The following ATP13A1 variants were observed in gnomAD, a reference collection of about 807,000 sequenced individuals.
ATP13A1 encodes the protein ATPase 13A1, also known as endoplasmic reticulum transmembrane helix translocase.
A neutral mutation model predicts 134.8 loss-of-function variants in ATP13A1; 55 were observed. That is an observed-to-expected ratio of 0.41 (90% CI 0.33 to 0.51). The LOEUF is 0.51. Ranked by LOEUF, ATP13A1 falls within the 20% of genes least tolerant of loss-of-function variation. The probability of loss-of-function intolerance (pLI) is 0.29; values close to 1 mark genes in which losing one functional copy is unlikely to be tolerated. For missense variants in ATP13A1, 1,389 were observed against 1,652.8 expected, an observed-to-expected ratio of 0.84 and a Z score of 2.77; for synonymous variants, 775 against 725.1, an observed-to-expected ratio of 1.07 and a Z score of -1.10.
In ATP13A1 at chr19:19,659,996, G is replaced by C; in HGVS notation, c.397-9C>G. 1.3e-6 allele frequency: 2 copies of C among 1,556,050 alleles called. No homozygotes were observed. The highest frequency in any genetic ancestry group is 1.2e-5 in the South Asian group (1 of 83,758). ...TTGCTGGGGTCGTACTCCTGACAGAGACAAAGAAAGCATTGTGGCTTAGCT... is the reference window on the plus strand; with the variant it reads ...TTGCTGGGGTCGTACTCCTGACAGACACAAAGAAAGCATTGTGGCTTAGCT... On this transcript the variant is annotated splice_polypyrimidine_tract_variant and intron_variant, in intron 1 of 25. Transcript: ENST00000357324.
chr19:19,657,197 A>G (rs1389616238), intron 4 of ATP13A1, 48 bp from the exon 5 acceptor site: 2 of 1,489,964 alleles, frequency 1.3e-6, no homozygotes, highest in African/African-American at 2.8e-5. Context: ...CCCTGTTCCC[A>G]TGAGCCCCTT....
chr19:19,645,903 G>GCATGGC lies in ATP13A1; in HGVS notation c.3325_3330dup (p.Ala1109_Met1110dup). ...TAATTGATGGCGAAGGTGGCCATCT[G>GCATGGC]CATGGCCATGGCCATGATGTAGACG... On this transcript the variant is annotated inframe_insertion, in exon 24 of 26. Coordinates refer to ENST00000357324, the MANE Select transcript of ATP13A1 (RefSeq NM_020410.3). The surrounding 1 kb of genome is among the most constrained non-coding windows in gnomAD (Gnocchi z 4.1). 6.2e-7 allele frequency: 1 copy of GCATGGC among 1,613,888 alleles called. No individual in the cohort carries two copies. Among genetic ancestry groups the GCATGGC allele is most frequent in the Non-Finnish European group, 8.5e-7 (1 of 1,179,868 alleles).
At position 19,655,672 on chromosome 19, in the gene ATP13A1, C is replaced by G; in HGVS notation, c.1270-18G>C. 1 of 1,609,564 alleles carries G rather than the reference C, an allele frequency of 6.2e-7. No homozygotes were observed. Among genetic ancestry groups the G allele is most frequent in the Non-Finnish European group, 8.5e-7 (1 of 1,177,978 alleles). ...AGCTTGCCCTGGAGGAATGGAGGAA[C>G]AGCCTTTCTGCTGTCTGGACTCCCT... On this transcript the variant is annotated intron_variant, in intron 9 of 25. Transcript: ENST00000357324. This position sits in a 1 kb window ranked among gnomAD's most constrained non-coding sequence, Gnocchi z 5.7.
chr19:19,649,506 C>T (rs1445530016), intron 19 of ATP13A1, 61 bp downstream of exon 19: 1 of 1,538,758 alleles, frequency 6.5e-7, no homozygotes, highest in African/African-American at 1.4e-5. Flanking sequence ...GTCTTTCTAG[C>T]TCAGTGACAT....
Position 19,656,401 on chromosome 19 carries a change from G to A in ATP13A1, c.1084-218C>T, listed in dbSNP as rs1002806495. On this transcript the variant is annotated intron_variant, in intron 7 of 25. Coordinates refer to ENST00000357324, the MANE Select transcript of ATP13A1 (RefSeq NM_020410.3). The surrounding 1 kb of genome is among the most constrained non-coding windows in gnomAD (Gnocchi z 4.6). Reference sequence around the variant, plus strand: ...CTCTCTGGGGCCTGCACTTGGCCTCGTCTGGGACTCACCCCTCTGGACTGC... The same window carrying A: ...CTCTCTGGGGCCTGCACTTGGCCTCATCTGGGACTCACCCCTCTGGACTGC... Among the ~76,000 whole-genome samples the A allele has an allele frequency of 2.6e-5, 4 of 152,160 alleles. No individual in the cohort carries two copies. The highest frequency in any genetic ancestry group is 1.9e-4 in the East Asian group (1 of 5,166).
Position 19,655,853 on chromosome 19 carries a change from G to T in ATP13A1, c.1269+25C>A, listed in dbSNP as rs931509848. ...TGGCTGTCCAACTGCCCTGGGGCCC[G>T]CCCTCCCCAGACCTGGCCCCGCACC... On this transcript the variant is annotated intron_variant, in intron 9 of 25. Transcript: ENST00000357324. The surrounding 1 kb of genome is among the most constrained non-coding windows in gnomAD (Gnocchi z 5.7). 4 of 1,565,080 alleles carry T rather than the reference G, an allele frequency of 2.6e-6. No individual in the cohort carries two copies. In the African/African-American group the frequency reaches 4.1e-5, roughly 16 times the overall value.
chr19:19,663,276 T>A lies in ATP13A1; in HGVS notation c.391A>T (p.Thr131Ser), dbSNP rs1472381899. The change falls in exon 1 of 26, where the codon ACC (threonine) becomes TCC (serine). Residue 131 changes from threonine (T) to serine (S), a missense_variant. Transcript: ENST00000357324. ...SVHAHCALTC[T>S]PEYDPSKATF... ...GCTCGCGTGTACACACTTACCGGGG[T>A]GCAGGTGAGCGCGCAATGCGCGTGC... 6 of 1,579,366 alleles carry A rather than the reference T, an allele frequency of 3.8e-6. No homozygotes were observed. The highest frequency in any genetic ancestry group is 5.2e-6 in the Non-Finnish European group (6 of 1,164,298).
Position 19,645,811 on chromosome 19 carries a change from T to C in ATP13A1, c.3361-21A>G, listed in dbSNP as rs766108020. 1.8e-5 allele frequency: 15 copies of C among 854,574 alleles called. No homozygotes were observed. The highest frequency in any genetic ancestry group is 5.6e-5 in the East Asian group (1 of 17,920). 52.9% of individuals were successfully genotyped at this position (854,574 alleles called of 1,614,324 possible). A position where few individuals can be genotyped will look rare whatever the true frequency, so the allele number is the denominator to read the frequency against. On this transcript the variant is annotated intron_variant, in intron 24 of 25. Transcript: ENST00000357324. This position sits in a 1 kb window ranked among gnomAD's most constrained non-coding sequence, Gnocchi z 4.1. Reference sequence around the variant, plus strand: ...GGGCCCTGTGGGGATGAGGGACAGATGGCTTCATGGGGTGGGGCTGGGTGG... The same window carrying C: ...GGGCCCTGTGGGGATGAGGGACAGACGGCTTCATGGGGTGGGGCTGGGTGG...
At position 19,656,594 on chromosome 19, in the gene ATP13A1, T is replaced by C. The variant is rs2062059994; in HGVS notation, c.1083+66A>G. 5 of 1,510,438 alleles carry C rather than the reference T, an allele frequency of 3.3e-6. No individual in the cohort carries two copies. Among genetic ancestry groups the C allele is most frequent in the Non-Finnish European group, 4.5e-6 (5 of 1,112,342 alleles). The allele number at this position is 1,510,438 out of a possible 1,614,324, so 93.6% of individuals were successfully genotyped here. ...CCTGAGGGGGATCCCCGCCACCCCC[T>C]GGGCCTCCACCTCCTGGCCTGTTTC... On this transcript the variant is annotated intron_variant, in intron 7 of 25. Coordinates refer to ENST00000357324, the MANE Select transcript of ATP13A1 (RefSeq NM_020410.3). This position sits in a 1 kb window ranked among gnomAD's most constrained non-coding sequence, Gnocchi z 4.6.
rs751668596 is a variant in ATP13A1, at chr19:19,663,278, C to G, written c.389G>C (p.Cys130Ser). The G allele has an allele frequency of 6.3e-7, 1 of 1,580,866 alleles. No homozygotes were observed. The highest frequency in any genetic ancestry group is 1.4e-5 in the African/African-American group (1 of 74,016). ...WSVHAHCALT[C>S]TPEYDPSKAT... ...TCGCGTGTACACACTTACCGGGGTG[C>G]AGGTGAGCGCGCAATGCGCGTGCAC... Residue 130 changes from cysteine (C) to serine (S), a missense_variant, in exon 1 of 26, where the codon TGC (cysteine) becomes TCC (serine). Around this residue, in one of 4 missense-constraint regions of ATP13A1, gnomAD observed 293 missense variants for 270.8 expected, o/e 1.08. Coordinates refer to ENST00000357324, the MANE Select transcript of ATP13A1 (RefSeq NM_020410.3).
At chr19:19,663,162 A>G (rs902390230) in intron 1 of ATP13A1, 109 bp downstream of exon 1, 16 of 1,473,516 alleles carry the variant, frequency 1.1e-5, no homozygotes, top group Non-Finnish European at 1.5e-5. Flanking sequence ...AATCCAGGCC[A>G]GGCAGATGAG....
At chr19:19,661,777 G>A (rs2062096189) in intron 1 of ATP13A1, among the ~76,000 whole-genome samples, 1 of 152,180 alleles carries the variant, frequency 6.6e-6, no homozygotes, top group Admixed American at 6.5e-5. Context: ...TGGAGATGGG[G>A]GGAGCACAAT....
At chr19:19,651,611 C>T in intron 17 of ATP13A1, 78 bp downstream of exon 17, 1 of 1,155,636 alleles carries the variant, frequency 8.7e-7, no homozygotes, top group Non-Finnish European at 1.2e-6. Flanking sequence ...GCCTGGTACA[C>T]AGGTGGGCTG....
chr19:19,651,666 T>C (rs752983249), intron 17 of ATP13A1, 23 bp downstream of exon 17: 3 of 1,588,356 alleles, frequency 1.9e-6, no homozygotes, highest in Non-Finnish European at 2.6e-6. Context: ...CCTTCCCCAC[T>C]GTGGGCCAGG....
Position 19,652,678 on chromosome 19 carries a change from A to T in ATP13A1, c.2143T>A (p.Phe715Ile). The T allele has an allele frequency of 6.2e-7, 1 of 1,608,644 alleles. No homozygotes were observed. The highest frequency in any genetic ancestry group is 8.5e-7 in the Non-Finnish European group (1 of 1,178,056). ...CAGGAGACCACAATGAAGCCGACGA[A>T]CTTGAGGCTGCACTCCAGGGCCTCC... is the stretch of plus-strand genomic sequence containing the variant. ...KREALECSLK[F>I]VGFIVVSCPL... Residue 715 changes from phenylalanine to isoleucine, a missense_variant, in exon 16 of 26, where the codon TTC (phenylalanine) becomes ATC (isoleucine). This residue lies in a region of ATP13A1 where 747 missense variants were observed against 956.1 expected (regional missense o/e 0.78). Coordinates refer to ENST00000357324, the MANE Select transcript of ATP13A1 (RefSeq NM_020410.3).
rs1222011505 is a variant in ATP13A1, at chr19:19,656,024, G to A, written c.1213+30C>T. 6.2e-7 allele frequency: 1 copy of A among 1,613,244 alleles called. No individual in the cohort carries two copies. Among genetic ancestry groups the A allele is most frequent in the East Asian group, 2.2e-5 (1 of 44,852 alleles). On this transcript the variant is annotated intron_variant, in intron 8 of 25. Coordinates refer to ENST00000357324, the MANE Select transcript of ATP13A1 (RefSeq NM_020410.3). This position sits in a 1 kb window ranked among gnomAD's most constrained non-coding sequence, Gnocchi z 4.6. ...GACGGGCAAAGGGGGTGGAAGCCCA[G>A]ATACCCCCAGACGCCCATGAGGCAC...
In ATP13A1 at chr19:19,647,712, G is replaced by A. The variant is rs769187041; in HGVS notation, c.2680C>T (p.Arg894Trp). ...AGGGTTGGGCTGTCCCGGGGCCGCC[G>A]TCGCCGCTCGACAACCCGCTCAGGG... ...NAPERVVERR[R>W]RPRDSPTLSN... The change falls in exon 20 of 26, where the codon CGG (arginine) becomes TGG (tryptophan). Residue 894 changes from arginine (R) to tryptophan (W), a missense_variant. This residue lies in a region of ATP13A1 where 121 missense variants were observed against 104.9 expected (regional missense o/e 1.15). Coordinates refer to ENST00000357324, the MANE Select transcript of ATP13A1 (RefSeq NM_020410.3). The surrounding 1 kb of genome is among the most constrained non-coding windows in gnomAD (Gnocchi z 4.8). 25 of 1,607,502 alleles carry A rather than the reference G, an allele frequency of 1.6e-5. No individual in the cohort carries two copies. In the Admixed American group the frequency reaches 2.3e-4, roughly 15 times the overall value.
rs973305082 is a variant in ATP13A1, at chr19:19,645,376, C to T, written c.*46G>A. 9.0e-6 allele frequency: 14 copies of T among 1,551,284 alleles called. No individual in the cohort carries two copies. The highest frequency in any genetic ancestry group is 1.2e-5 in the South Asian group (1 of 84,506). Reference sequence around the variant, plus strand: ...CCTCCCGGGGCCCTGTTGGGGTTCCCGCCCAGCGGCAGCCAGGGTGGGCAG... The same window carrying T: ...CCTCCCGGGGCCCTGTTGGGGTTCCTGCCCAGCGGCAGCCAGGGTGGGCAG... On this transcript the variant is annotated 3_prime_UTR_variant, in exon 26 of 26. Transcript: ENST00000357324. This position sits in a 1 kb window ranked among gnomAD's most constrained non-coding sequence, Gnocchi z 4.1.
At chr19:19,658,421 G>A (rs1268264715) in intron 3 of ATP13A1, among the ~76,000 whole-genome samples, 2 of 152,184 alleles carry the variant, frequency 1.3e-5, no homozygotes, top group Non-Finnish European at 2.9e-5. Flanking sequence ...AGCATGAAAG[G>A]GAACGTAGTT....
Sources: allele counts gnomAD v4.1 joint callset (sites outside exome capture counted in the v4.1 genomes callset), GRCh38; gene constraint gnomAD v4.1.1; regional missense constraint gnomAD v4.1.1; non-coding constraint Gnocchi (gnomAD v3.1); transcripts MANE v1.5; gene names NCBI Gene and HGNC (gene_info 2026-07-23, HGNC 2026-07-21).